Variants in CSMD1 observed in about 807,000 individuals in gnomAD.
The protein encoded by CSMD1 is CUB and Sushi multiple domains 1.
CSMD1 carries 213 observed loss-of-function variants against 417.5 expected under a neutral mutation model. The observed-to-expected ratio is 0.51, with a 90% CI of 0.46 to 0.57. The LOEUF (loss-of-function observed/expected upper bound fraction) is 0.57. Ranked by LOEUF, CSMD1 falls within the 20% of genes least tolerant of loss-of-function variation. The pLI is 0.00. For missense variants in CSMD1, 6,923 were observed against 4,529.7 expected, an observed-to-expected ratio of 1.53 and a Z score of -15.17; for synonymous variants, 2,862 against 1,736.8, an observed-to-expected ratio of 1.65 and a Z score of -16.11.
chr8:2,970,459 G>T (rs1029883732), intron 57 of CSMD1, among the ~76,000 whole-genome samples: 3 of 152,060 alleles, frequency 2.0e-5, no homozygotes, highest in Non-Finnish European at 4.4e-5. Flanking sequence ...CTCAATTATT[G>T]CATTTAATAT....
chr8:3,002,576 GC>G (rs1659688798), intron 52 of CSMD1, among the ~76,000 whole-genome samples: 1 of 152,238 alleles, frequency 6.6e-6, no homozygotes, highest in South Asian at 2.1e-4. Flanking sequence ...GAAAAGGGGT[GC>G]ATTTTAACAG....
intron 12 of CSMD1, among the ~76,000 whole-genome samples, chr8:3,439,119 T>C (rs1352771992): frequency 6.7e-5 from 1 of 15,000 alleles, no homozygotes; most frequent in African/African-American, 3.7e-4. Flanking sequence ...CAAGACTCCA[T>C]CTCAAAAAAA....
intron 5 of CSMD1, among the ~76,000 whole-genome samples, chr8:3,944,414 T>A (rs1374694398): frequency 1.3e-5 from 2 of 152,166 alleles, no homozygotes; most frequent in African/African-American, 4.8e-5. Flanking sequence ...AGTGGGTGAT[T>A]CTTCTTCATA....
At chr8:4,653,130 C>A (rs956368419) in intron 1 of CSMD1, among the ~76,000 whole-genome samples, 1 of 152,032 alleles carries the variant, frequency 6.6e-6, no homozygotes, top group African/African-American at 2.4e-5. Flanking sequence ...ACAGATTCAG[C>A]CCATTTAGTA....
intron 5 of CSMD1, among the ~76,000 whole-genome samples, chr8:3,830,059 T>A (rs977817593): frequency 6.6e-6 from 1 of 152,178 alleles, no homozygotes. Flanking sequence ...TTGGGCTGAC[T>A]TTTGACAAAT....
At chr8:4,565,807 T>C (rs1331558203) in intron 2 of CSMD1, among the ~76,000 whole-genome samples, 2 of 136,430 alleles carry the variant, frequency 1.5e-5, no homozygotes, top group East Asian at 4.2e-4. Flanking sequence ...TGTATACATA[T>C]ATATATTATA....
intron 10 of CSMD1, among the ~76,000 whole-genome samples, chr8:3,517,545 G>A (rs910715885): frequency 1.3e-5 from 2 of 152,170 alleles, no homozygotes; most frequent in Non-Finnish European, 2.9e-5. Context: ...CTGGGAGAAT[G>A]GGAGGAGAAG....
chr8:3,067,989 A>T (rs1442221212), intron 49 of CSMD1, among the ~76,000 whole-genome samples: 1 of 152,184 alleles, frequency 6.6e-6, no homozygotes, highest in Admixed American at 6.5e-5. Flanking sequence ...GTTCCTTCCC[A>T]ATAACAGAAT....
intron 2 of CSMD1, among the ~76,000 whole-genome samples, chr8:4,494,904 C>G (rs966040102): frequency 1.2e-4 from 18 of 150,598 alleles, no homozygotes; most frequent in Non-Finnish European, 2.2e-4. Context: ...ATTGTTAGGA[C>G]AAATTGAAAG....
At chr8:3,185,398 A>G (rs1019527327) in intron 36 of CSMD1, among the ~76,000 whole-genome samples, 5 of 152,162 alleles carry the variant, frequency 3.3e-5, no homozygotes, top group African/African-American at 1.2e-4. Flanking sequence ...TTTCCCTGCT[A>G]ACTTTGGCTA....
intron 6 of CSMD1, among the ~76,000 whole-genome samples, chr8:3,733,623 C>T (rs1339768944): frequency 6.6e-6 from 1 of 151,948 alleles, no homozygotes; most frequent in East Asian, 1.9e-4. Flanking sequence ...TGCCTCGGTC[C>T]CGAATCATTC....
intron 35 of CSMD1, among the ~76,000 whole-genome samples, chr8:3,188,220 A>C (rs1796194855): frequency 6.9e-6 from 1 of 144,192 alleles, no homozygotes; most frequent in South Asian, 2.3e-4. Flanking sequence ...CTACATGTCT[A>C]TCTATCTATA....
intron 7 of CSMD1, among the ~76,000 whole-genome samples, chr8:3,695,116 G>GTGTGTGTGTGTGTGTGTGTGTGT (rs61279256): frequency 6.6e-6 from 1 of 150,762 alleles, no homozygotes; most frequent in Non-Finnish European, 1.5e-5. Flanking sequence ...GTGTGTGTGT[G>GTGTGTGTGTGTGTGTGTGTGTGT]GTTATTGAAG....
intron 7 of CSMD1, among the ~76,000 whole-genome samples, chr8:3,639,059 T>G (rs1225523607): frequency 6.6e-6 from 1 of 152,200 alleles, no homozygotes; most frequent in African/African-American, 2.4e-5. Flanking sequence ...CCACTTAGCA[T>G]TACGTTCAGC....
chr8:4,488,770 C>T (rs1801547125), intron 2 of CSMD1, among the ~76,000 whole-genome samples: 1 of 152,082 alleles, frequency 6.6e-6, no homozygotes, highest in African/African-American at 2.4e-5. Flanking sequence ...TGACCCGCGT[C>T]CTGCGTATCC....
At chr8:4,630,711 C>G (rs893528091) in intron 2 of CSMD1, among the ~76,000 whole-genome samples, 56 of 152,120 alleles carry the variant, frequency 3.7e-4, no homozygotes, top group African/African-American at 1.3e-3. Flanking sequence ...TGCTGTCCAC[C>G]TCTGGTGCCC....
intron 5 of CSMD1, among the ~76,000 whole-genome samples, chr8:3,968,066 A>G (rs1812810232): frequency 1.3e-5 from 2 of 150,206 alleles, no homozygotes; most frequent in Non-Finnish European, 3.0e-5. Flanking sequence ...GGGCGCCTGT[A>G]GTCCCAGCTC....
intron 1 of CSMD1, among the ~76,000 whole-genome samples, chr8:4,735,731 A>G (rs1810192372): frequency 6.6e-6 from 1 of 152,096 alleles, no homozygotes; most frequent in African/African-American, 2.4e-5. Flanking sequence ...TATCTCCCTA[A>G]TAAGAGAAAA....
In CSMD1 at chr8:3,830,283, G is replaced by A. The variant is rs537738210; in HGVS notation, c.819-76241C>T. Among the ~76,000 whole-genome samples the A allele has an allele frequency of 3.9e-5, 6 of 152,306 alleles. No individual in the cohort carries two copies. In the East Asian group the frequency reaches 9.7e-4, roughly 25 times the overall value. ...TCAGCACAGTTAGTCACATTACAGA[G>A]CATCTGGCTCTGGGGCAAACTAAGC... On this transcript the variant is annotated intron_variant, in intron 5 of 69. Transcript: ENST00000635120.
Sources: gnomAD v4.1 joint callset for allele counts (sites outside exome capture counted in the v4.1 genomes callset) on GRCh38, gnomAD v4.1.1 for gene constraint, MANE v1.5 for transcripts, NCBI Gene and HGNC (gene_info 2026-07-23, HGNC 2026-07-21) for gene names.